The following ANKRD30BL variants were observed in gnomAD, a reference collection of about 807,000 sequenced individuals.
ANKRD30BL encodes ankyrin repeat domain 30B like.
Under a neutral mutation model 18.4 loss-of-function variants are expected in ANKRD30BL, and 20 were observed. That is an observed-to-expected ratio of 1.09 (90% CI 0.77 to 1.58). The LOEUF (loss-of-function observed/expected upper bound fraction) is 1.58, where lower values mean the gene tolerates loss of function less well. Ranked by LOEUF, ANKRD30BL falls within the 40% of genes most tolerant of loss-of-function variation. ANKRD30BL has a pLI of 0.00. For synonymous variants in ANKRD30BL, 72 were observed against 100.9 expected, an observed-to-expected ratio of 0.71 and a Z score of 1.72; for missense variants, 224 against 268.6, an observed-to-expected ratio of 0.83 and a Z score of 1.16.
At chr2:132,170,552 A>G (rs1482655778) in intron 1 of ANKRD30BL, among the ~76,000 whole-genome samples, 1 of 152,226 alleles carries the variant, frequency 6.6e-6, no homozygotes, top group Non-Finnish European at 1.5e-5. Flanking sequence ...AGTTTCATCA[A>G]GAATCTGTCC....
At chr2:132,186,126 CAA>C (rs111581260) in intron 1 of ANKRD30BL, among the ~76,000 whole-genome samples, 2 of 123,346 alleles carry the variant, frequency 1.6e-5, no homozygotes, top group Non-Finnish European at 3.5e-5. Flanking sequence ...CAAGATGTCT[CAA>C]AAAAAAAAAG....
At chr2:132,237,463 C>T (rs796615357) in intron 1 of ANKRD30BL, among the ~76,000 whole-genome samples, 5 of 152,032 alleles carry the variant, frequency 3.3e-5, no homozygotes, top group African/African-American at 1.2e-4. Context: ...TAAAACTAGA[C>T]AGAAGCATTC....
chr2:132,249,592 C>A (rs74800087), intron 1 of ANKRD30BL, among the ~76,000 whole-genome samples: 1 of 151,492 alleles, frequency 6.6e-6, no homozygotes, highest in Admixed American at 6.6e-5. Flanking sequence ...TGAATGTACA[C>A]ATCAAAAAAA....
intron 1 of ANKRD30BL, among the ~76,000 whole-genome samples, chr2:132,172,469 T>C (rs1356168656): frequency 6.6e-6 from 1 of 152,236 alleles, no homozygotes; most frequent in East Asian, 1.9e-4. Flanking sequence ...GTTTTTCTAA[T>C]GCTAGTGATA....
chr2:132,227,818 A>G (rs534612656), intron 1 of ANKRD30BL, among the ~76,000 whole-genome samples: 11 of 152,200 alleles, frequency 7.2e-5, no homozygotes, highest in African/African-American at 2.6e-4. Context: ...GCAGTTTGGA[A>G]ACACTCTTTT....
chr2:132,248,561 C>A (rs139490624), intron 1 of ANKRD30BL, among the ~76,000 whole-genome samples: 8 of 152,160 alleles, frequency 5.3e-5, no homozygotes, highest in African/African-American at 1.7e-4. Flanking sequence ...GATGGATGCA[C>A]ATATCACAAA....
chr2:132,161,862 G>A lies in ANKRD30BL; in HGVS notation c.-157C>T. On this transcript the variant is annotated 5_prime_UTR_variant, in exon 1 of 6. Transcript: ENST00000409867. Reference sequence around the variant, plus strand: ...GCTTTTGGACACTCCAACCTCTCCCGGGAGAAAATGGCTGCGCAAAACCGT... The same window carrying A: ...GCTTTTGGACACTCCAACCTCTCCCAGGAGAAAATGGCTGCGCAAAACCGT... The A allele has an allele frequency of 1.7e-6, 1 of 602,780 alleles. No homozygotes were observed. 37.3% of individuals were successfully genotyped at this position (602,780 alleles called of 1,614,324 possible). A position where few individuals can be genotyped will look rare whatever the true frequency, so the allele number is the denominator to read the frequency against.
chr2:132,239,526 C>A (rs1181438864), intron 1 of ANKRD30BL, among the ~76,000 whole-genome samples: 1 of 151,958 alleles, frequency 6.6e-6, no homozygotes, highest in Non-Finnish European at 1.5e-5. Context: ...GTGTACTCAA[C>A]TCACAGAGTT....
chr2:132,257,170 G>T (rs544998244), intron 1 of ANKRD30BL: 1 of 444,552 alleles, frequency 2.2e-6, no homozygotes, highest in African/African-American at 2.1e-5. Context: ...CACGTTGCTC[G>T]TTTCTCATCC....
At chr2:132,183,070 T>C (rs893831999) in intron 1 of ANKRD30BL, among the ~76,000 whole-genome samples, 2 of 151,942 alleles carry the variant, frequency 1.3e-5, no homozygotes, top group African/African-American at 4.8e-5. Context: ...TAGAAAAACA[T>C]CTTTGAGAGT....
chr2:132,157,109 A>C lies in ANKRD30BL; in HGVS notation c.371T>G (p.Leu124Arg). 1 of 1,448,866 alleles carries C rather than the reference A, an allele frequency of 6.9e-7. No individual in the cohort carries two copies. Among genetic ancestry groups the C allele is most frequent in the East Asian group, 2.4e-5 (1 of 41,456 alleles). The allele number at this position is 1,448,866 out of a possible 1,614,324, so 89.8% of individuals were successfully genotyped here. A position where few individuals can be genotyped will look rare whatever the true frequency, so the allele number is the denominator to read the frequency against. Reference protein sequence around the residue: ...QCQREACANILIDSGADPNIV... With the variant: ...QCQREACANIRIDSGADPNIV... ...ATTTGGATCAGCACCAGAATCTATGAGAATATTTGCACAAGCCTCCCTCTG... is the reference window on the plus strand; with the variant it reads ...ATTTGGATCAGCACCAGAATCTATGCGAATATTTGCACAAGCCTCCCTCTG... Residue 124 changes from leucine to arginine, a missense_variant, in exon 3 of 6, where the codon CTC becomes CGC. Transcript: ENST00000409867.
intron 1 of ANKRD30BL, among the ~76,000 whole-genome samples, chr2:132,176,901 T>A (rs75091815): frequency 6.6e-6 from 1 of 152,230 alleles, no homozygotes; most frequent in African/African-American, 2.4e-5. Flanking sequence ...ATAGATATTG[T>A]AGAGAAGTCC....
At chr2:132,207,740 A>G (rs1440386248) in intron 1 of ANKRD30BL, among the ~76,000 whole-genome samples, 1 of 152,154 alleles carries the variant, frequency 6.6e-6, no homozygotes, top group Non-Finnish European at 1.5e-5. Context: ...TATGAATCAC[A>G]GATAAATGGA....
chr2:132,236,303 C>T (rs951066862), intron 1 of ANKRD30BL, among the ~76,000 whole-genome samples: 6 of 151,962 alleles, frequency 3.9e-5, no homozygotes, highest in Non-Finnish European at 5.9e-5. Context: ...TCTAAAACAC[C>T]AAAAACAATG....
chr2:132,151,501 A>G (rs1282664932), intron 4 of ANKRD30BL, among the ~76,000 whole-genome samples: 1 of 152,066 alleles, frequency 6.6e-6, no homozygotes. Flanking sequence ...GCAGTGGCTC[A>G]TGCTTGTGAG....
At chr2:132,255,531 T>C (rs961198954) in intron 1 of ANKRD30BL, among the ~76,000 whole-genome samples, 1 of 151,968 alleles carries the variant, frequency 6.6e-6, no homozygotes, top group African/African-American at 2.4e-5. Context: ...GCTTTTTAAC[T>C]GCAACAACTT....
intron 1 of ANKRD30BL, among the ~76,000 whole-genome samples, chr2:132,203,075 C>T (rs1201616024): frequency 6.6e-6 from 1 of 152,262 alleles, no homozygotes; most frequent in African/African-American, 2.4e-5. Context: ...CTTTTGTAGC[C>T]CGTTCTATTT....
chr2:132,235,370 T>C (rs577360309), intron 1 of ANKRD30BL, among the ~76,000 whole-genome samples: 34 of 152,242 alleles, frequency 2.2e-4, no homozygotes, highest in African/African-American at 7.9e-4. Context: ...ATAAAGAGTA[T>C]TCAATTATGA....
intron 1 of ANKRD30BL, among the ~76,000 whole-genome samples, chr2:132,241,002 T>A (rs1324108183): frequency 6.6e-6 from 1 of 151,492 alleles, no homozygotes; most frequent in African/African-American, 2.4e-5. Flanking sequence ...AATGGGAATA[T>A]CTTCACATAA....
Sources: gnomAD v4.1 joint callset for allele counts (sites outside exome capture counted in the v4.1 genomes callset) on GRCh38, gnomAD v4.1.1 for gene constraint, MANE v1.5 for transcripts, NCBI Gene and HGNC (gene_info 2026-07-23, HGNC 2026-07-21) for gene names.